Variants in CCDC34 observed in about 807,000 individuals in gnomAD.
CCDC34 encodes the protein coiled-coil domain containing 34.
A neutral mutation model predicts 44.1 loss-of-function variants in CCDC34; 40 were observed. That is an observed-to-expected ratio of 0.91 (90% CI 0.70 to 1.18). The LOEUF (loss-of-function observed/expected upper bound fraction) is 1.18, where lower values mean the gene tolerates loss of function less well. Ranked by LOEUF, CCDC34 falls within the 50% of genes most tolerant of loss-of-function variation. The probability of loss-of-function intolerance (pLI) is 0.00; values close to 1 mark genes in which losing one functional copy is unlikely to be tolerated. For synonymous variants in CCDC34, 159 were observed against 158.2 expected, an observed-to-expected ratio of 1.01 and a Z score of -0.04; for missense variants, 466 against 452.3, an observed-to-expected ratio of 1.03 and a Z score of -0.28.
intron 3 of CCDC34, chr11:27,348,788 C>A: frequency 1.2e-6 from 1 of 828,810 alleles, no homozygotes; most frequent in African/African-American, 2.2e-5. Flanking sequence ...AAGAAGAAAT[C>A]TGATAGGTCT....
chr11:27,342,503 T>C (rs1377542816), intron 3 of CCDC34, among the ~76,000 whole-genome samples: 1 of 152,046 alleles, frequency 6.6e-6, no homozygotes. Flanking sequence ...TTAAACACTG[T>C]ATGTAAGGGC....
intron 3 of CCDC34, chr11:27,348,934 C>G (rs1394816419): frequency 8.1e-6 from 8 of 984,532 alleles, no homozygotes; most frequent in Non-Finnish European, 9.6e-6. Context: ...CCTTCAATAA[C>G]TAGTGATTTA....
chr11:27,342,414 C>A (rs951407440), intron 3 of CCDC34, among the ~76,000 whole-genome samples: 7 of 148,896 alleles, frequency 4.7e-5, no homozygotes, highest in African/African-American at 1.5e-4. Flanking sequence ...CACATATTTC[C>A]AGGACAGTTT....
intron 2 of CCDC34, among the ~76,000 whole-genome samples, chr11:27,351,490 G>A (rs1248004269): frequency 1.3e-5 from 2 of 152,172 alleles, no homozygotes; most frequent in African/African-American, 4.8e-5. Context: ...CACTCAGGAA[G>A]TCTTCCAACT....
chr11:27,356,311 C>G (rs145517526), intron 2 of CCDC34, among the ~76,000 whole-genome samples: 1 of 151,772 alleles, frequency 6.6e-6, no homozygotes, highest in Non-Finnish European at 1.5e-5. Context: ...CCGCCATGCC[C>G]GGCCAATTCC....
chr11:27,338,514 C>A lies in CCDC34; in HGVS notation c.*307G>T. 1 of 264,132 alleles carries A rather than the reference C, an allele frequency of 3.8e-6. No individual in the cohort carries two copies. The allele number at this position is 264,132 out of a possible 1,614,324, so 16.4% of individuals were successfully genotyped here. On this transcript the variant is annotated 3_prime_UTR_variant, in exon 6 of 6. Transcript: ENST00000328697. ...AAACTAGTAACAATATAAAACAATA[C>A]AAGAAAAATTGTTAGTTTTATTGGT...
chr11:27,345,608 C>A (rs58966005), intron 3 of CCDC34, among the ~76,000 whole-genome samples: 2,264 of 152,146 alleles, frequency 0.015, 55 homozygotes, highest in African/African-American at 0.048. Context: ...CTACAAAGGA[C>A]ATGAACTCAT....
chr11:27,358,226 G>A (rs1400310396), intron 1 of CCDC34, among the ~76,000 whole-genome samples: 5 of 152,162 alleles, frequency 3.3e-5, no homozygotes, highest in Middle Eastern at 3.4e-3. Context: ...TCTCTTCTGA[G>A]GGTAAGGAAA....
chr11:27,356,493 C>A (rs1365241273), intron 2 of CCDC34, among the ~76,000 whole-genome samples: 1 of 151,728 alleles, frequency 6.6e-6, no homozygotes, highest in Non-Finnish European at 1.5e-5. Flanking sequence ...AGAGTTTTAT[C>A]CTGTTTCATT....
intron 3 of CCDC34, chr11:27,349,953 C>T (rs373662781): frequency 1.0e-5 from 11 of 1,079,936 alleles, no homozygotes; most frequent in African/African-American, 9.9e-5. Context: ...CCTTGATGAC[C>T]GAGAAGACAG....
Position 27,350,316 on chromosome 11 carries a change from A to T in CCDC34, c.606+16T>A. Reference sequence around the variant, plus strand: ...AAAAGAGATGTCAATGTGTGTATCCATTTTCCCCTCCTTACTTGCTCATTC... The same window carrying T: ...AAAAGAGATGTCAATGTGTGTATCCTTTTTCCCCTCCTTACTTGCTCATTC... On this transcript the variant is annotated intron_variant, in intron 3 of 5. Coordinates refer to ENST00000328697, the MANE Select transcript of CCDC34 (RefSeq NM_030771.2). The T allele has an allele frequency of 1.2e-6, 2 of 1,613,864 alleles. No homozygotes were observed. The highest frequency in any genetic ancestry group is 1.7e-6 in the Non-Finnish European group (2 of 1,179,904).
At chr11:27,357,279 A>G in intron 2 of CCDC34, 124 bp downstream of exon 2, 1 of 854,090 alleles carries the variant, frequency 1.2e-6, no homozygotes, top group Non-Finnish European at 1.7e-6. Context: ...AATTTGATAT[A>G]GTAAACTAAC....
intron 1 of CCDC34, among the ~76,000 whole-genome samples, chr11:27,359,560 C>A (rs1862631289): frequency 1.3e-5 from 2 of 151,944 alleles, no homozygotes; most frequent in Admixed American, 6.6e-5. Context: ...GCGATCTCCG[C>A]TCACTGCAAG....
At chr11:27,347,757 A>C (rs1252029202) in intron 3 of CCDC34, among the ~76,000 whole-genome samples, 1 of 152,048 alleles carries the variant, frequency 6.6e-6, no homozygotes, top group Admixed American at 6.6e-5. Context: ...GTGAATGCAA[A>C]GGGGCAAAAG....
At chr11:27,361,188 T>C (rs563179284) in intron 1 of CCDC34, among the ~76,000 whole-genome samples, 1 of 152,274 alleles carries the variant, frequency 6.6e-6, no homozygotes, top group East Asian at 1.9e-4. Flanking sequence ...GACTGAAATG[T>C]GATAAGGAAG....
intron 2 of CCDC34, among the ~76,000 whole-genome samples, chr11:27,355,930 A>C (rs1313517168): frequency 1.3e-5 from 2 of 152,034 alleles, no homozygotes; most frequent in African/African-American, 4.8e-5. Flanking sequence ...CCTGGTTAGA[A>C]ACTTATCAAA....
intron 2 of CCDC34, among the ~76,000 whole-genome samples, chr11:27,355,914 T>C (rs982477757): frequency 1.3e-5 from 2 of 151,934 alleles, no homozygotes; most frequent in Non-Finnish European, 2.9e-5. Flanking sequence ...GACATGTGAC[T>C]GCTTGCCTGG....
intron 4 of CCDC34, 29 bp from the exon 5 acceptor site, chr11:27,340,866 A>C: frequency 6.2e-7 from 1 of 1,603,692 alleles, no homozygotes; most frequent in Non-Finnish European, 8.5e-7. Flanking sequence ...AAATATTTCC[A>C]GGGATATTCT....
At chr11:27,358,968 C>A (rs546956759) in intron 1 of CCDC34, among the ~76,000 whole-genome samples, 4 of 70,782 alleles carry the variant, frequency 5.7e-5, no homozygotes, top group African/African-American at 9.2e-5. Context: ...ACCCCCCCCC[C>A]CCACCGCCAC....
Sources: allele counts gnomAD v4.1 joint callset (sites outside exome capture counted in the v4.1 genomes callset), GRCh38; gene constraint gnomAD v4.1.1; transcripts MANE v1.5; gene names NCBI Gene and HGNC (gene_info 2026-07-23, HGNC 2026-07-21).